Variants in ATP6V1D observed in about 807,000 individuals in gnomAD.
ATP6V1D encodes the protein ATPase H+ transporting V1 subunit D.
A neutral mutation model predicts 39.4 loss-of-function variants in ATP6V1D; 20 were observed. That is an observed-to-expected ratio of 0.51 (90% confidence interval 0.36 to 0.74). The LOEUF (loss-of-function observed/expected upper bound fraction) is 0.74, where lower values mean the gene tolerates loss of function less well. Ranked by LOEUF, ATP6V1D falls within the 30% of genes least tolerant of loss-of-function variation. The pLI, the probability that ATP6V1D is intolerant of heterozygous loss-of-function variation, is 0.00. For synonymous variants in ATP6V1D, 100 were observed against 100.5 expected (o/e 0.99, Z 0.03); for missense variants, 228 against 291.6 (o/e 0.78, Z 1.59).
chr14:67,343,493 G>C lies in ATP6V1D; in HGVS notation c.457-55C>G, dbSNP rs1297687990. On this transcript the variant is annotated intron_variant, in intron 6 of 8. Transcript: ENST00000216442. ...CACAAAGTCTTCCTAATCATTCCCT[G>C]ATCACTTGACTCCACTAAGACTGCA... 7 of 1,236,020 alleles carry C rather than the reference G, an allele frequency of 5.7e-6. No homozygotes were observed. The East Asian group carries it at 1.6e-4, about 29-fold the overall frequency. The allele number at this position is 1,236,020 out of a possible 1,614,324, so 76.6% of individuals were successfully genotyped here. A position where few individuals can be genotyped will look rare whatever the true frequency, so the allele number is the denominator to read the frequency against.
rs1165556995 is a variant in ATP6V1D at position 67,338,409 on chromosome 14, T to C, written c.*212A>G. On this transcript the variant is annotated 3_prime_UTR_variant, in exon 9 of 9. Coordinates refer to ENST00000216442, the MANE Select transcript of ATP6V1D (RefSeq NM_015994.4). ...CTGCAAAGTAAATTCTGTAAGTTCC[T>C]GGGCAGGTTTTACAGATCTCTTTCA... 12 of 509,472 alleles carry C rather than the reference T, an allele frequency of 2.4e-5. No homozygotes were observed. Among genetic ancestry groups the C allele is most frequent in the Non-Finnish European group, 4.1e-5 (12 of 293,590 alleles). 31.6% of individuals were successfully genotyped at this position (509,472 alleles called of 1,614,324 possible).
intron 7 of ATP6V1D, 77 bp from the exon 8 acceptor site, chr14:67,340,595 C>G: frequency 3.3e-6 from 4 of 1,220,326 alleles, no homozygotes; most frequent in Non-Finnish European, 3.5e-6. Context: ...ATTTGTATAA[C>G]AGTTATTTTT....
chr14:67,342,223 T>TTAAAA (rs1055806138), intron 7 of ATP6V1D, among the ~76,000 whole-genome samples: 1,144 of 93,316 alleles, frequency 0.012, 15 homozygotes, highest in African/African-American at 0.063. Context: ...TAAAATAAAA[T>TTAAAA]AAAAAAAAAC....
At position 67,350,592 on chromosome 14, in the gene ATP6V1D, C is replaced by T. The variant is rs1372292035; in HGVS notation, c.239+19G>A. On this transcript the variant is annotated intron_variant, in intron 3 of 8. Coordinates refer to ENST00000216442, the MANE Select transcript of ATP6V1D (RefSeq NM_015994.4). ...AATCACTTTGTTTTGCTTCAAAACA[C>T]CCCGTTTAGTCCCCTTACCTGAAGT... is the stretch of plus-strand genomic sequence containing the variant. 1 of 1,601,170 alleles carries T rather than the reference C, an allele frequency of 6.2e-7. No homozygotes were observed. The highest frequency in any genetic ancestry group is 8.5e-7 in the Non-Finnish European group (1 of 1,173,342).
chr14:67,338,804 C>T, intron 8 of ATP6V1D, 42 bp from the exon 9 acceptor site: 1 of 1,552,380 alleles, frequency 6.4e-7, no homozygotes, highest in South Asian at 1.2e-5. Context: ...AACACTGTTT[C>T]AATATTAAGT....
At chr14:67,343,251 G>A (rs2085598534) in intron 7 of ATP6V1D, 121 bp downstream of exon 7, 2 of 688,924 alleles carry the variant, frequency 2.9e-6, no homozygotes, top group Non-Finnish European at 2.4e-6. Flanking sequence ...TTTGCACTGT[G>A]GGCAAGGGAA....
chr14:67,345,647 T>C (rs79897346), intron 6 of ATP6V1D, 121 bp downstream of exon 6: 18,942 of 618,024 alleles, frequency 0.031, 364 homozygotes, highest in Middle Eastern at 0.052. Flanking sequence ...TTGCTTTACA[T>C]AGGATCATGG....
chr14:67,357,377 T>G (rs1208509041), intron 1 of ATP6V1D, among the ~76,000 whole-genome samples: 1 of 152,216 alleles, frequency 6.6e-6, no homozygotes, highest in Non-Finnish European at 1.5e-5. Context: ...ATCAAAGACA[T>G]CTGACTACAT....
At chr14:67,353,529 C>T (rs1426275743) in intron 1 of ATP6V1D, among the ~76,000 whole-genome samples, 1 of 151,948 alleles carries the variant, frequency 6.6e-6, no homozygotes, top group East Asian at 1.9e-4. Context: ...ACTGTGAGGC[C>T]CAGGCTGGAG....
At chr14:67,354,620 C>T (rs548012041) in intron 1 of ATP6V1D, among the ~76,000 whole-genome samples, 2 of 152,062 alleles carry the variant, frequency 1.3e-5, no homozygotes, top group African/African-American at 2.4e-5. Context: ...TTAAAAAAGA[C>T]GAAGGTATAT....
chr14:67,350,579 T>C (rs769894118), intron 3 of ATP6V1D, 32 bp downstream of exon 3: 6 of 1,574,364 alleles, frequency 3.8e-6, no homozygotes, highest in Non-Finnish European at 5.2e-6. Flanking sequence ...TCACTTTGTT[T>C]TGCTTCAAAA....
chr14:67,358,477 T>C (rs894492477), intron 1 of ATP6V1D, among the ~76,000 whole-genome samples: 6 of 151,936 alleles, frequency 3.9e-5, no homozygotes, highest in Admixed American at 2.0e-4. Flanking sequence ...CCCACAGAGA[T>C]AGGACCACAA....
chr14:67,351,911 C>CAAAAAAAAAAAAAAAAAAA (rs758907410), intron 2 of ATP6V1D, among the ~76,000 whole-genome samples: 2 of 128,090 alleles, frequency 1.6e-5, no homozygotes, highest in East Asian at 2.7e-4. Context: ...GAACCTCTAC[C>CAAAAAAAAAAAAAAAAAAA]AAAAAAAAAA....
At chr14:67,350,463 G>C in intron 3 of ATP6V1D, 148 bp downstream of exon 3, 1 of 576,478 alleles carries the variant, frequency 1.7e-6, no homozygotes, top group Non-Finnish European at 2.9e-6. Context: ...GTGGAGTTAA[G>C]GTGATGGGGT....
In ATP6V1D at chr14:67,346,093, A is replaced by C. The variant is rs574481232; in HGVS notation, c.353-222T>G. ...GAATACTATTCTAAATATAACTACA[A>C]AGGAAGCTTTTAACCAACCTTCACT... On this transcript the variant is annotated intron_variant, in intron 5 of 8. Coordinates refer to ENST00000216442, the MANE Select transcript of ATP6V1D (RefSeq NM_015994.4). 3.9e-5 allele frequency among the ~76,000 whole-genome samples: 6 copies of C among 152,258 alleles called. No homozygotes were observed. The East Asian group carries it at 1.2e-3, about 29-fold the overall frequency.
chr14:67,352,688 G>C, intron 2 of ATP6V1D: 1 of 394,404 alleles, frequency 2.5e-6, no homozygotes, highest in Non-Finnish European at 4.5e-6. Context: ...TCTAAATAAG[G>C]TAAGAGAGGC....
intron 1 of ATP6V1D, among the ~76,000 whole-genome samples, chr14:67,356,446 A>C (rs1369593405): frequency 1.4e-5 from 2 of 141,772 alleles, no homozygotes; most frequent in Admixed American, 7.1e-5. Flanking sequence ...AAAAAAAAAA[A>C]ACAAAAACAA....
At chr14:67,358,106 C>T (rs532969988) in intron 1 of ATP6V1D, among the ~76,000 whole-genome samples, 9 of 131,728 alleles carry the variant, frequency 6.8e-5, no homozygotes, top group African/African-American at 2.6e-4. Context: ...GCGGGGGCGG[C>T]GGGGGGCGGC....
intron 2 of ATP6V1D, among the ~76,000 whole-genome samples, chr14:67,352,517 G>C (rs1317712761): frequency 1.3e-5 from 2 of 152,092 alleles, no homozygotes; most frequent in Non-Finnish European, 2.9e-5. Context: ...GGAATTGTGA[G>C]AGAAGCAAAC....
Sources: allele counts gnomAD v4.1 joint callset (sites outside exome capture counted in the v4.1 genomes callset), GRCh38; gene constraint gnomAD v4.1.1; transcripts MANE v1.5; gene names NCBI Gene and HGNC (gene_info 2026-07-23, HGNC 2026-07-21).